Variants in ZFPM2 observed in about 807,000 individuals in gnomAD.
ZFPM2 encodes zinc finger protein ZFPM2.
A neutral mutation model predicts 98.6 loss-of-function variants in ZFPM2; 20 were observed. The observed-to-expected ratio is 0.20, with a 90% CI of 0.14 to 0.29. The LOEUF (loss-of-function observed/expected upper bound fraction) is 0.29, where lower values mean the gene tolerates loss of function less well. ZFPM2 is among the 10% of genes least tolerant of loss of function. ZFPM2 has a pLI of 1.00. For synonymous variants in ZFPM2, 518 were observed against 502.7 expected (o/e 1.03, Z -0.41); for missense variants, 1,310 against 1,388.6 (o/e 0.94, Z 0.90).
chr8:105,319,149 G>A (rs1811968841), intron 1 of ZFPM2, among the ~76,000 whole-genome samples, 168 bp downstream of exon 1: 5 of 152,086 alleles, frequency 3.3e-5, no homozygotes, highest in Admixed American at 2.0e-4. Context: ...GACAGTCATA[G>A]ACAGACAGAC....
At chr8:105,710,495 A>C (rs1285975276) in intron 5 of ZFPM2, among the ~76,000 whole-genome samples, 1 of 152,186 alleles carries the variant, frequency 6.6e-6, no homozygotes. Context: ...TGCATACGAC[A>C]TGAGAATTGC....
chr8:105,434,364 C>G (rs1240572911), intron 2 of ZFPM2, among the ~76,000 whole-genome samples: 9 of 152,128 alleles, frequency 5.9e-5, no homozygotes, highest in South Asian at 2.1e-4. Context: ...TATTGTGAGG[C>G]TATTAAGCAA....
At chr8:105,425,113 A>G (rs530334625) in intron 2 of ZFPM2, among the ~76,000 whole-genome samples, 3 of 152,156 alleles carry the variant, frequency 2.0e-5, no homozygotes, top group African/African-American at 7.2e-5. Context: ...TGGGGAGCAG[A>G]AGAGGCACTG....
At chr8:105,453,400 G>T (rs2130262646) in intron 3 of ZFPM2, among the ~76,000 whole-genome samples, 1 of 152,216 alleles carries the variant, frequency 6.6e-6, no homozygotes, top group East Asian at 1.9e-4. Context: ...AGCCCAGTCT[G>T]GTAGAAAGAG....
At chr8:105,472,468 C>T (rs1812922724) in intron 3 of ZFPM2, among the ~76,000 whole-genome samples, 1 of 152,100 alleles carries the variant, frequency 6.6e-6, no homozygotes, top group Non-Finnish European at 1.5e-5. Flanking sequence ...GATCACTGAC[C>T]TCTGACTTCT....
chr8:105,586,048 C>T lies in ZFPM2; in HGVS notation c.420+24567C>T, dbSNP rs1025651510. Among the ~76,000 whole-genome samples, 21 of 146,902 alleles carry T rather than the reference C, an allele frequency of 1.4e-4. No individual in the cohort carries two copies. In the East Asian group the frequency reaches 3.9e-3, roughly 27 times the overall value. On this transcript the variant is annotated intron_variant, in intron 4 of 7. Transcript: ENST00000407775. ...GTGTGTGTGTGTGTGTGTATGCACA[C>T]GTGCTTCTATGTTGTAGAAGGCAGG...
At chr8:105,422,573 TTTCTTGGTCTA>T (rs1408699916) in intron 2 of ZFPM2, among the ~76,000 whole-genome samples, 1 of 152,168 alleles carries the variant, frequency 6.6e-6, no homozygotes. Flanking sequence ...TATTTGGAAG[TTTCTTGGTCTA>T]AAGGCTACCC....
intron 3 of ZFPM2, among the ~76,000 whole-genome samples, chr8:105,520,615 A>G (rs1168377493): frequency 6.6e-6 from 1 of 152,082 alleles, no homozygotes; most frequent in Non-Finnish European, 1.5e-5. Flanking sequence ...GTAGATAGGC[A>G]CGTGCATAGG....
At chr8:105,773,517 ATCCTT>A (rs896242170) in intron 5 of ZFPM2, among the ~76,000 whole-genome samples, 21 of 152,004 alleles carry the variant, frequency 1.4e-4, no homozygotes, top group African/African-American at 4.8e-4. Context: ...AATAAAATAA[ATCCTT>A]TCAGCTAAGG....
intron 3 of ZFPM2, among the ~76,000 whole-genome samples, chr8:105,485,238 G>T (rs190935728): frequency 1.1e-4 from 16 of 152,244 alleles, no homozygotes; most frequent in African/African-American, 3.6e-4. Flanking sequence ...CAGCCTGCAG[G>T]GAGCAGCAGC....
intron 1 of ZFPM2, among the ~76,000 whole-genome samples, chr8:105,375,703 A>G (rs968468182): frequency 2.9e-4 from 44 of 152,290 alleles, no homozygotes; most frequent in Non-Finnish European, 5.0e-4. Flanking sequence ...TTCTTATATC[A>G]TTTATCAGTG....
At chr8:105,693,954 A>AT (rs1383251766) in intron 5 of ZFPM2, among the ~76,000 whole-genome samples, 2 of 132,142 alleles carry the variant, frequency 1.5e-5, no homozygotes, top group African/African-American at 5.8e-5. Flanking sequence ...TATTATCCAA[A>AT]TTTTTTTCTT....
intron 3 of ZFPM2, among the ~76,000 whole-genome samples, chr8:105,540,640 G>T (rs1212669513): frequency 6.6e-6 from 1 of 152,060 alleles, no homozygotes; most frequent in Admixed American, 6.6e-5. Flanking sequence ...TTTTAAAAAT[G>T]CTCAGTCCAC....
Position 105,802,652 on chromosome 8 carries a change from C to G in ZFPM2, c.2570C>G (p.Thr857Ser). 6.2e-7 allele frequency: 1 copy of G among 1,611,038 alleles called. No individual in the cohort carries two copies. Among genetic ancestry groups the G allele is most frequent in the Non-Finnish European group, 8.5e-7 (1 of 1,178,638 alleles). ...PKRLLDYHEC[T>S]VCKISFNKVE... The stretch of plus-strand genomic sequence containing the variant: ...AGGCTGCTGGACTATCACGAGTGCA[C>G]TGTGTGCAAGATCAGTTTCAATAAG... Residue 857 changes from threonine (T) to serine (S), a missense_variant, in exon 8 of 8, where the codon ACT (threonine) becomes AGT (serine). Coordinates refer to ENST00000407775, the MANE Select transcript of ZFPM2 (RefSeq NM_012082.4).
At chr8:105,355,826 G>T (rs941296098) in intron 1 of ZFPM2, among the ~76,000 whole-genome samples, 1 of 152,106 alleles carries the variant, frequency 6.6e-6, no homozygotes, top group African/African-American at 2.4e-5. Flanking sequence ...TAAATTTCAG[G>T]TACGAACTTA....
intron 3 of ZFPM2, among the ~76,000 whole-genome samples, chr8:105,490,106 G>A (rs370798116): frequency 6.6e-6 from 1 of 151,954 alleles, no homozygotes; most frequent in Non-Finnish European, 1.5e-5. Context: ...AATTAGCTGG[G>A]CGTGGTGGCG....
chr8:105,520,992 G>C (rs1814042114), intron 3 of ZFPM2, among the ~76,000 whole-genome samples: 1 of 146,016 alleles, frequency 6.8e-6, no homozygotes, highest in African/African-American at 2.4e-5. Flanking sequence ...TGGTCACAAT[G>C]ATGACCAGAA....
chr8:105,583,496 C>T lies in ZFPM2; in HGVS notation c.420+22015C>T, dbSNP rs1018925444. Among the ~76,000 whole-genome samples, 16 of 152,076 alleles carry T rather than the reference C, an allele frequency of 1.1e-4. No individual in the cohort carries two copies. In the Middle Eastern group the frequency reaches 0.01, roughly 97 times the overall value. ...CAGTAAATTTGGGGTTATCTTTTTT[C>T]GGTTTGTGCATTTTATAATTACTTA... On this transcript the variant is annotated intron_variant, in intron 4 of 7. Transcript: ENST00000407775.
chr8:105,674,732 T>C (rs1817657068), intron 5 of ZFPM2, among the ~76,000 whole-genome samples: 1 of 152,096 alleles, frequency 6.6e-6, no homozygotes, highest in African/African-American at 2.4e-5. Flanking sequence ...AAATTGTAGT[T>C]TGTCAAGAAG....
Sources: gnomAD v4.1 joint callset for allele counts (sites outside exome capture counted in the v4.1 genomes callset) on GRCh38, gnomAD v4.1.1 for gene constraint, MANE v1.5 for transcripts, NCBI Gene and HGNC (gene_info 2026-07-23, HGNC 2026-07-21) for gene names.